Variants in OPRD1 observed in about 807,000 individuals in gnomAD.
The protein encoded by OPRD1 is delta-type opioid receptor.
In OPRD1, 19 loss-of-function variants were observed where a neutral mutation model predicts 17.5. That is an observed-to-expected ratio of 1.09 (90% CI 0.76 to 1.60). The LOEUF (loss-of-function observed/expected upper bound fraction) is 1.60. OPRD1 is among the 40% of genes most tolerant of loss of function. The pLI is 0.00. For missense variants in OPRD1, 483 were observed against 547.2 expected (o/e 0.88, Z 1.17); for synonymous variants, 256 against 240.9 (o/e 1.06, Z -0.58).
intron 1 of OPRD1, among the ~76,000 whole-genome samples, chr1:28,816,713 C>T (rs946745930): frequency 6.6e-6 from 1 of 152,104 alleles, no homozygotes; most frequent in Non-Finnish European, 1.5e-5. Context: ...TTGGCCAGCA[C>T]GATGACTCGT....
chr1:28,858,115 CTTTTTTTT>C (rs1233337916), intron 1 of OPRD1, among the ~76,000 whole-genome samples: 1 of 112,960 alleles, frequency 8.9e-6, no homozygotes, highest in Non-Finnish European at 1.8e-5. Flanking sequence ...CTTTTTTTTT[CTTTTTTTT>C]TTTTTTTGAG....
chr1:28,841,598 C>T (rs997262194), intron 1 of OPRD1, among the ~76,000 whole-genome samples: 1 of 152,192 alleles, frequency 6.6e-6, no homozygotes, highest in Non-Finnish European at 1.5e-5. Context: ...TTAAAGGAAA[C>T]AACTCACCCA....
Position 28,812,475 on chromosome 1 carries a change from G to A in OPRD1, c.92G>A (p.Gly31Asp). The A allele has an allele frequency of 1.3e-6, 2 of 1,538,816 alleles. No individual in the cohort carries two copies. The highest frequency in any genetic ancestry group is 1.8e-4 in the Middle Eastern group (1 of 5,406). ...TACCCTAGCGCCTGCCCCAGCGCTG[G>A]CGCCAATGCGTCGGGGCCGCCAGGC... is the stretch of plus-strand genomic sequence containing the variant. ...DAYPSACPSA[G>D]ANASGPPGAR... The change falls in exon 1 of 3, where the codon GGC becomes GAC. Residue 31 changes from glycine to aspartate, a missense_variant. Physicochemically the swap from Gly to Asp is moderately conservative, Grantham distance 94 (BLOSUM62 -1). Transcript: ENST00000234961.
intron 1 of OPRD1, among the ~76,000 whole-genome samples, chr1:28,825,701 C>G (rs995955633): frequency 6.6e-6 from 1 of 152,198 alleles, no homozygotes; most frequent in African/African-American, 2.4e-5. Context: ...TGGGTTCTTA[C>G]ACAGGGCAGC....
intron 1 of OPRD1, among the ~76,000 whole-genome samples, chr1:28,829,447 C>T (rs1381512064): frequency 1.3e-5 from 2 of 151,968 alleles, no homozygotes; most frequent in Admixed American, 6.6e-5. Context: ...CGGCTCACTA[C>T]AACCTCCTCC....
At chr1:28,844,376 G>A (rs1352596697) in intron 1 of OPRD1, among the ~76,000 whole-genome samples, 5 of 151,560 alleles carry the variant, frequency 3.3e-5, no homozygotes, top group African/African-American at 7.3e-5. Flanking sequence ...CTGCAGCCTC[G>A]ACCTCCAGGA....
At chr1:28,827,525 GA>G (rs1382772832) in intron 1 of OPRD1, among the ~76,000 whole-genome samples, 1 of 152,044 alleles carries the variant, frequency 6.6e-6, no homozygotes. Flanking sequence ...TCATCTATAA[GA>G]AGCAACTTCT....
intron 2 of OPRD1, 141 bp from the exon 3 acceptor site, chr1:28,862,601 G>A (rs1448248901): frequency 8.0e-6 from 6 of 749,048 alleles, no homozygotes; most frequent in Non-Finnish European, 1.3e-5. Flanking sequence ...GGACACTCCA[G>A]ACAGAAGAAT....
chr1:28,818,148 G>A (rs1386927876), intron 1 of OPRD1, among the ~76,000 whole-genome samples: 2 of 152,218 alleles, frequency 1.3e-5, no homozygotes, highest in Admixed American at 6.5e-5. Flanking sequence ...GTGGCTGCAG[G>A]TGGGCAGAGT....
chr1:28,843,064 T>A (rs2088908122), intron 1 of OPRD1, among the ~76,000 whole-genome samples: 1 of 152,024 alleles, frequency 6.6e-6, no homozygotes, highest in Non-Finnish European at 1.5e-5. Flanking sequence ...CTGCACGCTT[T>A]CACACGTGCG....
chr1:28,861,938 G>A (rs2089126506), intron 2 of OPRD1, among the ~76,000 whole-genome samples: 1 of 145,430 alleles, frequency 6.9e-6, no homozygotes, highest in South Asian at 2.1e-4. Context: ...TTGAGACGGA[G>A]TCTCGCTCTG....
intron 1 of OPRD1, among the ~76,000 whole-genome samples, chr1:28,851,985 G>A (rs1257639796): frequency 6.7e-6 from 1 of 150,184 alleles, no homozygotes; most frequent in Non-Finnish European, 1.5e-5. Flanking sequence ...GGCTAACACA[G>A]TGAAACCCCA....
At chr1:28,849,875 CTTTTTTTTTTTT>C (rs34907861) in intron 1 of OPRD1, among the ~76,000 whole-genome samples, 1 of 118,100 alleles carries the variant, frequency 8.5e-6, no homozygotes, top group Non-Finnish European at 1.7e-5. Flanking sequence ...GAGAGTCAAA[CTTTTTTTTTTTT>C]TTTTTTTTTT....
chr1:28,852,685 G>A (rs1395611352), intron 1 of OPRD1, among the ~76,000 whole-genome samples: 1 of 151,752 alleles, frequency 6.6e-6, no homozygotes, highest in Non-Finnish European at 1.5e-5. Context: ...CATCTCTTAG[G>A]ATTTTCTTTC....
At chr1:28,852,121 C>G (rs1052890916) in intron 1 of OPRD1, among the ~76,000 whole-genome samples, 4 of 135,476 alleles carry the variant, frequency 3.0e-5, no homozygotes, top group African/African-American at 2.8e-5. Context: ...GAGCCGAGAT[C>G]ACGCAACTGC....
chr1:28,827,300 A>C (rs1035877647), intron 1 of OPRD1, among the ~76,000 whole-genome samples: 6 of 152,144 alleles, frequency 3.9e-5, no homozygotes, highest in Non-Finnish European at 5.9e-5. Context: ...TGTCTCAAAA[A>C]CAAAACAAAA....
chr1:28,842,053 A>C (rs1390018898), intron 1 of OPRD1, among the ~76,000 whole-genome samples: 3 of 150,720 alleles, frequency 2.0e-5, no homozygotes, highest in Non-Finnish European at 4.4e-5. Flanking sequence ...ATTTTGAGAC[A>C]GGGTTTCACT....
At chr1:28,851,037 G>GA (rs1175650336) in intron 1 of OPRD1, among the ~76,000 whole-genome samples, 1 of 151,880 alleles carries the variant, frequency 6.6e-6, no homozygotes, top group East Asian at 1.9e-4. Context: ...CACACACACG[G>GA]AGCTGCCAGT....
intron 1 of OPRD1, among the ~76,000 whole-genome samples, chr1:28,846,504 G>A (rs1412864912): frequency 6.6e-6 from 1 of 151,952 alleles, no homozygotes; most frequent in Non-Finnish European, 1.5e-5. Context: ...CCAACATAGT[G>A]AAACCGCATC....
Sources: allele counts gnomAD v4.1 joint callset (sites outside exome capture counted in the v4.1 genomes callset), GRCh38; gene constraint gnomAD v4.1.1; transcripts MANE v1.5; gene names NCBI Gene and HGNC (gene_info 2026-07-23, HGNC 2026-07-21).